Variants in CNTNAP3 observed in about 807,000 individuals in gnomAD.
CNTNAP3 encodes the protein contactin associated protein family member 3.
In CNTNAP3, 36 loss-of-function variants were observed where a neutral mutation model predicts 92.1. The observed-to-expected ratio is 0.39, with a 90% confidence interval of 0.30 to 0.52. The LOEUF (loss-of-function observed/expected upper bound fraction) is 0.52. Ranked by LOEUF, CNTNAP3 falls within the 20% of genes least tolerant of loss-of-function variation. CNTNAP3 has a pLI of 0.76. For synonymous variants in CNTNAP3, 232 were observed against 422.3 expected, an observed-to-expected ratio of 0.55 and a Z score of 5.53; for missense variants, 534 against 1,069.6, an observed-to-expected ratio of 0.50 and a Z score of 6.98.
intron 21 of CNTNAP3, among the ~76,000 whole-genome samples, chr9:39,080,480 C>G (rs1466549409): frequency 1.5e-5 from 2 of 136,944 alleles, no homozygotes; most frequent in Admixed American, 1.4e-4. Flanking sequence ...AAGTTGAGCT[C>G]AGTCTCTTTC....
chr9:39,109,414 A>T (rs1356287645), intron 14 of CNTNAP3, 127 bp from the exon 15 acceptor site: 30 of 1,439,862 alleles, frequency 2.1e-5, no homozygotes, highest in Non-Finnish European at 2.7e-5. Context: ...CATTTTCAAT[A>T]TTTTGAGAGC....
At chr9:39,089,477 T>C (rs1826141586) in intron 18 of CNTNAP3, among the ~76,000 whole-genome samples, 2 of 152,240 alleles carry the variant, frequency 1.3e-5, no homozygotes, top group South Asian at 4.1e-4. Flanking sequence ...GATAGACATT[T>C]GGGTTGTTTC....
At chr9:39,086,055 G>C in intron 20 of CNTNAP3, 1 of 590,358 alleles carries the variant, frequency 1.7e-6, no homozygotes, top group Admixed American at 3.1e-5. Context: ...CCACTTGCTG[G>C]CTTTACTCTT....
At chr9:39,132,117 C>T (rs1409700572) in intron 13 of CNTNAP3, among the ~76,000 whole-genome samples, 1 of 151,962 alleles carries the variant, frequency 6.6e-6, no homozygotes, top group Non-Finnish European at 1.5e-5. Context: ...ACTTCCTGGG[C>T]TCCAGTGATC....
intron 9 of CNTNAP3, among the ~76,000 whole-genome samples, chr9:39,161,839 G>T (rs2118194759): frequency 9.7e-6 from 1 of 102,884 alleles, no homozygotes; most frequent in Non-Finnish European, 1.8e-5. Flanking sequence ...TGACTCTAAA[G>T]TCTCAAAAAA....
chr9:39,131,116 T>A (rs1237774839), intron 13 of CNTNAP3, among the ~76,000 whole-genome samples: 1 of 145,086 alleles, frequency 6.9e-6, no homozygotes, highest in Non-Finnish European at 1.5e-5. Context: ...CACCTGGGGA[T>A]TTTTTTTTTA....
Position 39,068,250 on chromosome 9 carries a change from A to C in CNTNAP3, c.*5640T>G, listed in dbSNP as rs1587689083. Among the ~76,000 whole-genome samples the C allele has an allele frequency of 2.1e-4, 2 of 9,412 alleles. No homozygotes were observed. 6.2% of individuals were successfully genotyped at this position (9,412 alleles called of 152,430 possible). ...TTGCCTCCACTAAAAATACAAAAAA[A>C]AAAAAAAAAAAAAAAATTAGCTGGG... On this transcript the variant is annotated 3_prime_UTR_variant, in exon 24 of 24. Transcript: ENST00000297668.
At chr9:39,133,284 T>G (rs1821348777) in intron 12 of CNTNAP3, 149 bp from the exon 13 acceptor site, 1 of 1,097,358 alleles carries the variant, frequency 9.1e-7, no homozygotes, top group African/African-American at 1.6e-5. Flanking sequence ...TGGACCTGTG[T>G]AACAATGTAC....
chr9:39,100,978 T>C (rs895257757), intron 17 of CNTNAP3, among the ~76,000 whole-genome samples: 8 of 150,876 alleles, frequency 5.3e-5, no homozygotes, highest in African/African-American at 1.9e-4. Context: ...TCAATCAGCT[T>C]TGTGGGTGAT....
intron 14 of CNTNAP3, among the ~76,000 whole-genome samples, chr9:39,114,003 TATATATACACACATATATATACACAC>T (rs1563882203): frequency 2.1e-5 from 3 of 143,060 alleles, no homozygotes; most frequent in South Asian, 2.2e-4. Flanking sequence ...CACACACACA[TATATATACACACATATATATACACAC>T]ATATATACAC....
intron 9 of CNTNAP3, among the ~76,000 whole-genome samples, chr9:39,162,750 G>T (rs1822101019): frequency 7.0e-6 from 1 of 143,706 alleles, no homozygotes; most frequent in Non-Finnish European, 1.5e-5. Flanking sequence ...TGACTTAGGA[G>T]TGGGAGCTTA....
At position 39,159,189 on chromosome 9, in the gene CNTNAP3, T is replaced by G. The variant is rs772175700; in HGVS notation, c.1477+6744A>C. The stretch of plus-strand genomic sequence containing the variant: ...AGTGTACCTATGTATGCATGTATGA[T>G]CATGGATCAGCCTTCCCATTTCTGT... On this transcript the variant is annotated intron_variant, in intron 9 of 23. Transcript: ENST00000297668. 2.7e-5 allele frequency: 4 copies of G among 150,128 alleles called. 1 individual carries two copies. The highest frequency in any genetic ancestry group is 6.7e-5 in the Admixed American group (1 of 14,994). The allele number at this position is 150,128 out of a possible 1,614,324, so 9.3% of individuals were successfully genotyped here.
rs1825499406 is a variant in CNTNAP3 at position 39,065,890 on chromosome 9, A to AT, written c.*7999dup. ...AGCATTCAAATAAAGTGTTGCAAAT[A>AT]TTTTCTCCCAGTCTGTAGCTTGACT... On this transcript the variant is annotated 3_prime_UTR_variant, in exon 24 of 24. Transcript: ENST00000297668. 1.3e-5 allele frequency among the ~76,000 whole-genome samples: 2 copies of AT among 152,126 alleles called. No homozygotes were observed. The highest frequency in any genetic ancestry group is 3.8e-4 in the East Asian group (2 of 5,206).
At chr9:39,279,747 GA>G (rs1348387403) in intron 1 of CNTNAP3, among the ~76,000 whole-genome samples, 613 of 15,752 alleles carry the variant, frequency 0.039, 51 homozygotes, top group Middle Eastern at 0.17. Flanking sequence ...TGAACAATGA[GA>G]ACACATGGAC....
chr9:39,081,698 G>T (rs1825940243), intron 21 of CNTNAP3, among the ~76,000 whole-genome samples: 1 of 151,870 alleles, frequency 6.6e-6, no homozygotes, highest in African/African-American at 2.4e-5. Context: ...GGTGCCACTT[G>T]GTTGAACTAA....
chr9:39,077,484 G>A (rs939768214), intron 23 of CNTNAP3, among the ~76,000 whole-genome samples: 2 of 152,134 alleles, frequency 1.3e-5, no homozygotes, highest in South Asian at 2.1e-4. Flanking sequence ...GTGAACCCGG[G>A]AGGCGGAGCT....
At chr9:39,131,046 G>A (rs958380068) in intron 13 of CNTNAP3, among the ~76,000 whole-genome samples, 14 of 151,810 alleles carry the variant, frequency 9.2e-5, no homozygotes, top group Middle Eastern at 6.8e-3. Flanking sequence ...TCACTGATGG[G>A]AGTAGAATAT....
rs1448585564 is a variant in CNTNAP3 at position 39,134,137 on chromosome 9, C to T, written c.1877-1002G>A. Among the ~76,000 whole-genome samples the T allele has an allele frequency of 3.9e-5, 6 of 152,110 alleles. No homozygotes were observed. In the East Asian group the frequency reaches 1.2e-3, roughly 29 times the overall value. Reference sequence around the variant, plus strand: ...TTTCACAGCCTTACTGTTACTTACACACGCCTAACAACAGAGATCAGAGGA... The same window carrying T: ...TTTCACAGCCTTACTGTTACTTACATACGCCTAACAACAGAGATCAGAGGA... On this transcript the variant is annotated intron_variant, in intron 12 of 23. Transcript: ENST00000297668.
intron 19 of CNTNAP3, 105 bp downstream of exon 19, chr9:39,088,318 G>GT: frequency 1.0e-6 from 1 of 984,314 alleles, no homozygotes; most frequent in Non-Finnish European, 1.5e-6. Context: ...AGGGCATACA[G>GT]TTTTCTCTCA....
Sources: allele counts gnomAD v4.1 joint callset (sites outside exome capture counted in the v4.1 genomes callset), GRCh38; gene constraint gnomAD v4.1.1; transcripts MANE v1.5; gene names NCBI Gene and HGNC (gene_info 2026-07-23, HGNC 2026-07-21).